Variants in YAE1 observed in about 807,000 individuals in gnomAD.
YAE1 encodes YAE1 maturation factor of ABCE1, also known as protein YAE1 homolog.
Under a neutral mutation model 23.0 loss-of-function variants are expected in YAE1, and 22 were observed. The ratio of observed to expected loss-of-function variants is 0.96; its 90% CI spans 0.68 to 1.37. YAE1 has a LOEUF of 1.37. Among genes scored for constraint, YAE1 ranks in the 40% most tolerant of loss-of-function variants. The pLI is 0.00. For missense variants in YAE1, 260 were observed against 262.1 expected (o/e 0.99, Z 0.06); for synonymous variants, 101 against 97.0 (o/e 1.04, Z -0.24).
At chr7:39,566,573 G>A (rs781130266) in intron 1 of YAE1, 26 bp downstream of exon 1, 3 of 1,612,168 alleles carry the variant, frequency 1.9e-6, no homozygotes, top group Non-Finnish European at 2.5e-6. Context: ...ACGGCGCGGG[G>A]TGCTGGGTTG....
intron 1 of YAE1, chr7:39,569,702 A>T: frequency 1.4e-6 from 1 of 712,056 alleles, no homozygotes; most frequent in Non-Finnish European, 2.7e-6. Flanking sequence ...TAAAGTAGTT[A>T]TGGCAAGTCC....
Position 39,572,283 on chromosome 7 carries a change from G to A in YAE1, c.258G>A (p.Leu86=). ...YGRLRGTLSA[L]LSWCHLHNNN... is the part of the protein sequence containing the mutation. ...TGTTTATACTTTTGTTCAGTGCTTTGCTCTCCTGGTGTCACCTTCATAATA... is the reference window on the plus strand; with the variant it reads ...TGTTTATACTTTTGTTCAGTGCTTTACTCTCCTGGTGTCACCTTCATAATA... The change falls in exon 3 of 3, where the codon TTG becomes TTA. Residue 86 remains leucine, a synonymous_variant. Transcript: ENST00000223273. The A allele has an allele frequency of 6.2e-7, 1 of 1,608,364 alleles. No individual in the cohort carries two copies. Among genetic ancestry groups the A allele is most frequent in the Non-Finnish European group, 8.5e-7 (1 of 1,176,720 alleles).
At position 39,566,489 on chromosome 7, in the gene YAE1, C is replaced by A; in HGVS notation, c.71C>A (p.Ala24Glu). The change falls in exon 1 of 3, where the codon GCA becomes GAA. Residue 24 changes from alanine (A) to glutamate (E), a missense_variant. Physicochemically the swap from Ala to Glu is moderately radical, Grantham distance 107. Transcript: ENST00000223273. ...GDKGDVFDEE[A>E]DESLLAQREW... is the part of the protein sequence containing the mutation. ...AAAGGGGACGTGTTTGACGAAGAAG[C>A]AGACGAGTCGCTCCTGGCGCAGCGG... is the stretch of plus-strand genomic sequence containing the variant. The A allele has an allele frequency of 6.2e-7, 1 of 1,614,192 alleles. No homozygotes were observed. Among genetic ancestry groups the A allele is most frequent in the South Asian group, 1.1e-5 (1 of 91,080 alleles).
rs1256574069 is a variant in YAE1 at position 39,572,644 on chromosome 7, G to T, written c.619G>T (p.Ala207Ser). ...PSPTWILEQTASLVKQLGLSV... is the reference protein window; with the variant it reads ...PSPTWILEQTSSLVKQLGLSV... ...CCCCACATGGATTTTGGAACAGACA[G>T]CCAGTTTAGTTAAACAGCTGGGCCT... Residue 207 changes from alanine to serine, a missense_variant, in exon 3 of 3, where the codon GCC becomes TCC. Ala to Ser is a moderately conservative substitution (Grantham distance 99). Transcript: ENST00000223273. 6.2e-7 allele frequency: 1 copy of T among 1,613,656 alleles called. No homozygotes were observed. Among genetic ancestry groups the T allele is most frequent in the Admixed American group, 1.7e-5 (1 of 59,966 alleles).
At chr7:39,582,471 T>A (rs112057617) in intron 2 of YAE1, among the ~76,000 whole-genome samples, 1 of 152,218 alleles carries the variant, frequency 6.6e-6, no homozygotes, top group African/African-American at 2.4e-5. Flanking sequence ...ATTAAAAGTA[T>A]TTTCATTTAA....
chr7:39,609,182 C>G lies in YAE1; in HGVS notation c.252-435C>G, dbSNP rs552479840. ...GCTGTAGACAGGAAGAATAACCAGG[C>G]CAGTGATCAGGAGGACTGGAGGCCC... On this transcript the variant is annotated intron_variant, in intron 2 of 2. Coordinates refer to the YAE1 transcript ENST00000432096. Among the ~76,000 whole-genome samples, 6 of 152,234 alleles carry G rather than the reference C, an allele frequency of 3.9e-5. No homozygotes were observed. The East Asian group carries it at 1.2e-3, about 29-fold the overall frequency.
intron 2 of YAE1, among the ~76,000 whole-genome samples, chr7:39,607,087 A>G (rs1343658351): frequency 6.6e-6 from 1 of 152,166 alleles, no homozygotes; most frequent in Non-Finnish European, 1.5e-5. Context: ...AATGGGCTAT[A>G]CTGTCTTCAG....
At chr7:39,580,719 C>T (rs1790729589) in intron 2 of YAE1, among the ~76,000 whole-genome samples, 1 of 152,172 alleles carries the variant, frequency 6.6e-6, no homozygotes, top group South Asian at 2.1e-4. Context: ...CTATACCAGA[C>T]AGATTGAGCC....
chr7:39,601,083 A>G (rs1036649607), intron 2 of YAE1, among the ~76,000 whole-genome samples: 1 of 152,194 alleles, frequency 6.6e-6, no homozygotes, highest in African/African-American at 2.4e-5. Context: ...TTTTGTCTGT[A>G]TTATTTTATG....
At chr7:39,575,355 G>T (rs1387951171), downstream of YAE1, among the ~76,000 whole-genome samples, 1 of 152,200 alleles carries the variant, frequency 6.6e-6, no homozygotes, top group Non-Finnish European at 1.5e-5. Context: ...TATGTAAAGG[G>T]AGTGGGCAGC....
chr7:39,580,565 CG>C (rs1562591785), intron 2 of YAE1, among the ~76,000 whole-genome samples: 1 of 152,184 alleles, frequency 6.6e-6, no homozygotes, highest in Non-Finnish European at 1.5e-5. Context: ...CTCTTTCTTT[CG>C]AAGAAGCTGT....
chr7:39,598,065 G>A (rs1791002458), intron 2 of YAE1, among the ~76,000 whole-genome samples: 1 of 151,496 alleles, frequency 6.6e-6, no homozygotes, highest in Non-Finnish European at 1.5e-5. Flanking sequence ...CTTCCTTGGT[G>A]TCCTAAAGTC....
At chr7:39,570,692 TAAATAA>T (rs1790551573) in intron 2 of YAE1, 65 bp downstream of exon 2, 4 of 1,519,206 alleles carry the variant, frequency 2.6e-6, no homozygotes, top group Non-Finnish European at 3.5e-6. Flanking sequence ...TGTTTCTGTA[TAAATAA>T]AGTGTTTAAA....
chr7:39,592,593 C>A (rs1286601313), intron 2 of YAE1, among the ~76,000 whole-genome samples: 2 of 152,098 alleles, frequency 1.3e-5, no homozygotes, highest in Admixed American at 1.3e-4. Flanking sequence ...CAAGTTGAAG[C>A]ATCATATGTA....
downstream of YAE1, among the ~76,000 whole-genome samples, chr7:39,611,256 G>A (rs1375206078): frequency 1.3e-5 from 2 of 152,166 alleles, no homozygotes; most frequent in African/African-American, 4.8e-5. Context: ...AGAACAAACT[G>A]GAGACTGGCC....
intron 2 of YAE1, among the ~76,000 whole-genome samples, chr7:39,591,497 T>C (rs909015706): frequency 1.3e-5 from 2 of 152,196 alleles, no homozygotes; most frequent in African/African-American, 4.8e-5. Context: ...CCTTTTGTTC[T>C]TGAAGGATTT....
intron 1 of YAE1, chr7:39,570,169 C>T (rs375002163): frequency 2.8e-5 from 20 of 723,870 alleles, no homozygotes; most frequent in Admixed American, 4.6e-5. Context: ...GGACTGCCAG[C>T]GGAACTGCAA....
intron 2 of YAE1, among the ~76,000 whole-genome samples, chr7:39,582,076 A>G (rs1483035034): frequency 6.6e-6 from 1 of 152,066 alleles, no homozygotes; most frequent in East Asian, 2.0e-4. Context: ...TACAGGCACT[A>G]CACCAGCTTC....
chr7:39,593,142 T>C (rs1790923640), intron 2 of YAE1, among the ~76,000 whole-genome samples: 2 of 150,734 alleles, frequency 1.3e-5, no homozygotes, highest in South Asian at 2.1e-4. Context: ...TCAGATACTT[T>C]AATATCTAGC....
Sources: allele counts gnomAD v4.1 joint callset (sites outside exome capture counted in the v4.1 genomes callset), GRCh38; gene constraint gnomAD v4.1.1; transcripts MANE v1.5; gene names NCBI Gene and HGNC (gene_info 2026-07-23, HGNC 2026-07-21).